Variants in RALGAPA1 observed in about 807,000 individuals in gnomAD.
The protein encoded by RALGAPA1 is ral GTPase-activating protein subunit alpha-1.
Under a neutral mutation model 269.6 loss-of-function variants are expected in RALGAPA1, and 52 were observed. The ratio of observed to expected loss-of-function variants is 0.19; its 90% CI spans 0.15 to 0.24. RALGAPA1 has a LOEUF of 0.24. Ranked by LOEUF, RALGAPA1 falls within the 10% of genes least tolerant of loss-of-function variation. The pLI is 1.00. For missense variants in RALGAPA1, 1,917 were observed against 3,013.9 expected, an observed-to-expected ratio of 0.64 and a Z score of 8.52; for synonymous variants, 817 against 1,008.3, an observed-to-expected ratio of 0.81 and a Z score of 3.60.
intron 4 of RALGAPA1, among the ~76,000 whole-genome samples, chr14:35,769,481 T>C (rs1250122392): frequency 6.6e-6 from 1 of 152,174 alleles, no homozygotes; most frequent in Non-Finnish European, 1.5e-5. Flanking sequence ...AGTTAGGTAC[T>C]ATGTTCACCA....
At chr14:35,725,263 T>C in intron 13 of RALGAPA1, 110 bp from the exon 14 acceptor site, 5 of 677,074 alleles carry the variant, frequency 7.4e-6, no homozygotes, top group Non-Finnish European at 1.1e-5. Flanking sequence ...TTAAACATCT[T>C]TGAAAGACAA....
intron 39 of RALGAPA1, among the ~76,000 whole-genome samples, chr14:35,557,126 GTGTGTGTGTGTA>G (rs1038902709): frequency 7.8e-6 from 1 of 127,842 alleles, no homozygotes; most frequent in Non-Finnish European, 1.8e-5. Context: ...GTGTGTGTGT[GTGTGTGTGTGTA>G]TATATATTCT....
chr14:35,750,648 T>C lies in RALGAPA1; in HGVS notation c.845A>G (p.Lys282Arg), dbSNP rs1371115588. The C allele has an allele frequency of 6.8e-6, 11 of 1,613,422 alleles. No individual in the cohort carries two copies. Among genetic ancestry groups the C allele is most frequent in the Non-Finnish European group, 9.3e-6 (11 of 1,179,586 alleles). ...MRPKPHYVVI[K>R]KDAETNEAIY... is the part of the protein sequence containing the mutation. ...TGCTTCATTGGTTTCAGCATCTTTC[T>C]TTATCACGACATAATGTGGCTTTGG... The change falls in exon 9 of 42, where the codon AAG becomes AGG. Residue 282 changes from lysine (K) to arginine (R), a missense_variant. By Grantham distance (26) the Lys-to-Arg change is conservative. This residue lies in a region of RALGAPA1 where 462 missense variants were observed against 725.6 expected (regional missense o/e 0.64). Transcript: ENST00000680220.
In RALGAPA1 at chr14:35,775,659, T is replaced by A. The variant is rs367546617; in HGVS notation, c.193A>T (p.Ile65Phe). ...CCTTTCTGTTTAAGACTAGCTTCAATAGTCACAAAATTTTCAAAGAACACA... is the reference window on the plus strand; with the variant it reads ...CCTTTCTGTTTAAGACTAGCTTCAAAAGTCACAAAATTTTCAAAGAACACA... ...YYVFFENFVT[I>F]EASLKQKGHK... Residue 65 changes from isoleucine to phenylalanine, a missense_variant, in exon 2 of 42, where the codon ATT becomes TTT. This residue lies in a region of RALGAPA1 where 462 missense variants were observed against 725.6 expected (regional missense o/e 0.64). Coordinates refer to ENST00000680220, the MANE Select transcript of RALGAPA1 (RefSeq NM_001346249.2). 1 of 1,577,990 alleles carries A rather than the reference T, an allele frequency of 6.3e-7. No homozygotes were observed. The highest frequency in any genetic ancestry group is 1.9e-5 in the Admixed American group (1 of 52,070).
chr14:35,572,807 G>A (rs747723823), intron 37 of RALGAPA1, 89 bp from the exon 38 acceptor site: 53 of 929,010 alleles, frequency 5.7e-5, no homozygotes, highest in East Asian at 8.5e-5. Context: ...GGGGAAAAAC[G>A]AAATTAAAAA....
intron 6 of RALGAPA1, among the ~76,000 whole-genome samples, chr14:35,757,348 G>T (rs925964911): frequency 3.3e-5 from 5 of 151,916 alleles, no homozygotes; most frequent in African/African-American, 1.2e-4. Flanking sequence ...TCAAATTCCT[G>T]ATCTCAGGTG....
intron 7 of RALGAPA1, 84 bp downstream of exon 7, chr14:35,756,709 T>G: frequency 2.0e-6 from 2 of 994,326 alleles, no homozygotes. Context: ...ATATCTACTA[T>G]GACAGAATAA....
intron 37 of RALGAPA1, among the ~76,000 whole-genome samples, chr14:35,586,295 A>AT (rs1417821712): frequency 6.6e-6 from 1 of 152,176 alleles, no homozygotes; most frequent in Non-Finnish European, 1.5e-5. Flanking sequence ...TTGCACATTG[A>AT]TTTTGTATCC....
intron 4 of RALGAPA1, among the ~76,000 whole-genome samples, chr14:35,763,141 A>G (rs1019727684): frequency 2.6e-5 from 4 of 152,214 alleles, no homozygotes; most frequent in Admixed American, 2.0e-4. Flanking sequence ...AATATTTCCT[A>G]ATGAATATTT....
At chr14:35,752,751 TG>T (rs2072836940) in intron 7 of RALGAPA1, among the ~76,000 whole-genome samples, 1 of 151,722 alleles carries the variant, frequency 6.6e-6, no homozygotes, top group African/African-American at 2.4e-5. Context: ...AGGCCCAGAG[TG>T]GGGTACTGGA....
intron 10 of RALGAPA1, among the ~76,000 whole-genome samples, chr14:35,742,853 A>T (rs1470785712): frequency 1.3e-5 from 2 of 152,178 alleles, no homozygotes; most frequent in African/African-American, 4.8e-5. Flanking sequence ...CTATATGTAC[A>T]CTTAAGAAAG....
At chr14:35,622,937 AC>A (rs1455670449) in intron 35 of RALGAPA1, among the ~76,000 whole-genome samples, 1 of 152,112 alleles carries the variant, frequency 6.6e-6, no homozygotes, top group East Asian at 1.9e-4. Context: ...TGTCTCTTAT[AC>A]TAAAAGTACA....
intron 16 of RALGAPA1, 37 bp from the exon 17 acceptor site, chr14:35,700,339 AAAG>A (rs1411105832): frequency 1.4e-6 from 2 of 1,475,600 alleles, no homozygotes; most frequent in Non-Finnish European, 1.8e-6. Flanking sequence ...GGGAAGGAAA[AAAG>A]AAGAGTGACT....
At chr14:35,783,953 T>G (rs1364935873) in intron 1 of RALGAPA1, among the ~76,000 whole-genome samples, 1 of 152,102 alleles carries the variant, frequency 6.6e-6, no homozygotes, top group Non-Finnish European at 1.5e-5. Flanking sequence ...CTTTGTACAC[T>G]GCTGGTGGGA....
Position 35,627,550 on chromosome 14 carries a change from A to T in RALGAPA1, c.6397T>A (p.Ser2133Thr). 6.3e-7 allele frequency: 1 copy of T among 1,583,614 alleles called. No homozygotes were observed. Among genetic ancestry groups the T allele is most frequent in the Non-Finnish European group, 8.6e-7 (1 of 1,167,550 alleles). Residue 2133 changes from serine to threonine, a missense_variant, in exon 34 of 42, where the codon TCT becomes ACT. Coordinates refer to ENST00000680220, the MANE Select transcript of RALGAPA1 (RefSeq NM_001346249.2). ...PPVSGLSEPT[S>T]FMLSLSHQEK... Reference sequence around the variant, plus strand: ...TGGTGAGACAATGAAAGCATGAAAGATGTAGGTTCTGACAAGCCACTTACA... The same window carrying T: ...TGGTGAGACAATGAAAGCATGAAAGTTGTAGGTTCTGACAAGCCACTTACA...
rs78676330 is a variant in RALGAPA1, at chr14:35,651,890, A to C, written c.5608-17T>G. 5.8e-6 allele frequency: 3 copies of C among 520,966 alleles called. No homozygotes were observed. The highest frequency in any genetic ancestry group is 4.1e-5 in the South Asian group (2 of 49,124). The allele number at this position is 520,966 out of a possible 1,614,324, so 32.3% of individuals were successfully genotyped here. On this transcript the variant is annotated splice_polypyrimidine_tract_variant and intron_variant, in intron 30 of 41. Transcript: ENST00000680220. ...TATTAGGATCTGTAAGCAAAAAAAA[A>C]TTTTTTTAAAAGCTCTATATATGTC...
In RALGAPA1 at chr14:35,742,497, G is replaced by T; in HGVS notation, c.1320C>A (p.Ile440=). Residue 440 remains isoleucine (I), a synonymous_variant, in exon 11 of 42, where the codon ATC becomes ATA. Transcript: ENST00000680220. ...RKVVKVYQEW[I]QQEEKPLFMQ... is the part of the protein sequence containing the mutation. Reference sequence around the variant, plus strand: ...TGAACAAAGGTTTTTCCTCTTGTTGGATCCATTCTTGATATACTTTTACCA... The same window carrying T: ...TGAACAAAGGTTTTTCCTCTTGTTGTATCCATTCTTGATATACTTTTACCA... 4 of 1,601,122 alleles carry T rather than the reference G, an allele frequency of 2.5e-6. No individual in the cohort carries two copies. Among genetic ancestry groups the T allele is most frequent in the African/African-American group, 1.3e-5 (1 of 74,668 alleles).
intron 16 of RALGAPA1, among the ~76,000 whole-genome samples, chr14:35,705,468 A>G (rs928810456): frequency 1.1e-4 from 17 of 152,028 alleles, no homozygotes; most frequent in Non-Finnish European, 2.1e-4. Flanking sequence ...TTTACTCAGC[A>G]ATACTCATTC....
At chr14:35,627,991 T>C (rs970660337) in intron 33 of RALGAPA1, 40 bp from the exon 34 acceptor site, 12 of 1,517,140 alleles carry the variant, frequency 7.9e-6, no homozygotes, top group Non-Finnish European at 9.7e-6. Context: ...ATATTGCTGC[T>C]TCCTAGGGAA....
Sources: allele counts gnomAD v4.1 joint callset (sites outside exome capture counted in the v4.1 genomes callset), GRCh38; gene constraint gnomAD v4.1.1; regional missense constraint gnomAD v4.1.1; transcripts MANE v1.5; gene names NCBI Gene and HGNC (gene_info 2026-07-23, HGNC 2026-07-21).